Variants in RUNDC3B observed in about 807,000 individuals in gnomAD.
RUNDC3B encodes RUN domain containing 3B.
Under a neutral mutation model 58.4 loss-of-function variants are expected in RUNDC3B, and 33 were observed. That is an observed-to-expected ratio of 0.56 (90% CI 0.43 to 0.75). The LOEUF (loss-of-function observed/expected upper bound fraction) is 0.75. Among genes scored for constraint, RUNDC3B ranks in the 30% least tolerant of loss-of-function variants. The probability of loss-of-function intolerance (pLI) is 0.00; values close to 1 mark genes in which losing one functional copy is unlikely to be tolerated. For synonymous variants in RUNDC3B, 193 were observed against 195.2 expected (o/e 0.99, Z 0.10); for missense variants, 501 against 535.7 (o/e 0.94, Z 0.64).
chr7:87,686,776 GAA>G (rs555870738), intron 2 of RUNDC3B, among the ~76,000 whole-genome samples: 5 of 106,950 alleles, frequency 4.7e-5, no homozygotes, highest in Non-Finnish European at 6.1e-5. Flanking sequence ...CCCGCCTCTA[GAA>G]AAAAAAAAAA....
intron 8 of RUNDC3B, among the ~76,000 whole-genome samples, chr7:87,788,790 T>A (rs541678666): frequency 2.6e-5 from 4 of 151,954 alleles, no homozygotes; most frequent in Non-Finnish European, 5.9e-5. Flanking sequence ...TAGTTACATA[T>A]GTATACATGT....
At chr7:87,656,726 A>G (rs1055826400) in intron 2 of RUNDC3B, among the ~76,000 whole-genome samples, 2 of 152,154 alleles carry the variant, frequency 1.3e-5, no homozygotes, top group Non-Finnish European at 2.9e-5. Context: ...AGGAAAATCA[A>G]TTGATTTGTT....
At chr7:87,648,692 G>A (rs1417848182) in intron 1 of RUNDC3B, among the ~76,000 whole-genome samples, 14 of 151,970 alleles carry the variant, frequency 9.2e-5, no homozygotes, top group Non-Finnish European at 2.9e-5. Flanking sequence ...AAATGTTTTA[G>A]TATTTTTTAT....
chr7:87,674,567 G>T (rs994782848), intron 2 of RUNDC3B, among the ~76,000 whole-genome samples: 45 of 152,124 alleles, frequency 3.0e-4, no homozygotes, highest in Admixed American at 2.0e-3. Flanking sequence ...TCAGGGCATG[G>T]GCAAATAGTA....
In RUNDC3B at chr7:87,774,104, T is replaced by A. The variant is rs77894106; in HGVS notation, c.798+3355T>A. ...GGTCATGTGAATAGTGCAGTAAAGT[T>A]AGATATCAATACAAACAGTTTAGCA... On this transcript the variant is annotated intron_variant, in intron 7 of 10. Transcript: ENST00000394654. 7.9e-3 allele frequency among the ~76,000 whole-genome samples: 1,198 copies of A among 152,242 alleles called. 22 individuals are homozygous for A. Among genetic ancestry groups the A allele is most frequent in the African/African-American group, 0.027 (1,134 of 41,544 alleles).
intron 6 of RUNDC3B, among the ~76,000 whole-genome samples, chr7:87,745,197 T>C (rs568784021): frequency 7.9e-5 from 12 of 152,328 alleles, no homozygotes; most frequent in African/African-American, 2.4e-4. Flanking sequence ...ATCTTTTTGA[T>C]ATGTTGTTGG....
intron 10 of RUNDC3B, among the ~76,000 whole-genome samples, chr7:87,828,685 A>G (rs753932396): frequency 6.6e-5 from 10 of 152,174 alleles, no homozygotes; most frequent in Admixed American, 5.2e-4. Flanking sequence ...TGATGAACAT[A>G]TGAGTGCATA....
At chr7:87,773,168 A>C (rs1045544977) in intron 7 of RUNDC3B, among the ~76,000 whole-genome samples, 20 of 151,956 alleles carry the variant, frequency 1.3e-4, no homozygotes, top group African/African-American at 4.8e-4. Flanking sequence ...CTAAAAATAC[A>C]AAAAATTAGC....
intron 10 of RUNDC3B, among the ~76,000 whole-genome samples, chr7:87,816,659 A>G (rs1363395360): frequency 6.6e-6 from 1 of 152,214 alleles, no homozygotes; most frequent in Admixed American, 6.5e-5. Context: ...TCATTCTTGA[A>G]TCACTCATGG....
At chr7:87,827,207 G>T (rs974419662) in intron 10 of RUNDC3B, among the ~76,000 whole-genome samples, 2 of 152,160 alleles carry the variant, frequency 1.3e-5, no homozygotes. Flanking sequence ...CAAACAAGGG[G>T]CCAGGCATGG....
intron 1 of RUNDC3B, 134 bp from the exon 2 acceptor site, chr7:87,650,688 A>G: frequency 1.6e-6 from 1 of 626,004 alleles, no homozygotes. Context: ...ATTTGAATAA[A>G]TGGGGTTTTT....
intron 9 of RUNDC3B, among the ~76,000 whole-genome samples, chr7:87,814,395 C>T (rs1226483548): frequency 2.0e-5 from 3 of 152,114 alleles, no homozygotes; most frequent in Non-Finnish European, 2.9e-5. Context: ...CCACCACGCC[C>T]GGCCGGAGAA....
At chr7:87,795,723 CAAA>C (rs551631238) in intron 8 of RUNDC3B, among the ~76,000 whole-genome samples, 1 of 113,368 alleles carries the variant, frequency 8.8e-6, no homozygotes, top group African/African-American at 3.2e-5. Context: ...ACTAAAAATA[CAAA>C]AAAAAAAAAA....
intron 7 of RUNDC3B, among the ~76,000 whole-genome samples, chr7:87,774,018 C>G (rs1231025387): frequency 6.6e-6 from 1 of 151,946 alleles, no homozygotes; most frequent in Non-Finnish European, 1.5e-5. Context: ...AACAAATGTC[C>G]ACAAATACCA....
chr7:87,743,644 C>T (rs1688865887), intron 6 of RUNDC3B, among the ~76,000 whole-genome samples: 1 of 151,932 alleles, frequency 6.6e-6, no homozygotes, highest in Non-Finnish European at 1.5e-5. Flanking sequence ...GTCCGTAGCC[C>T]ACTTTTTGAT....
intron 2 of RUNDC3B, among the ~76,000 whole-genome samples, chr7:87,676,444 T>G (rs536947427): frequency 6.6e-6 from 1 of 152,136 alleles, no homozygotes; most frequent in Non-Finnish European, 1.5e-5. Flanking sequence ...CTCACACCTA[T>G]AATTCCATCA....
intron 2 of RUNDC3B, among the ~76,000 whole-genome samples, chr7:87,700,202 G>C (rs949549232): frequency 6.6e-6 from 1 of 152,036 alleles, no homozygotes; most frequent in Non-Finnish European, 1.5e-5. Context: ...CTATGATCCA[G>C]ACTCATTAAG....
intron 4 of RUNDC3B, among the ~76,000 whole-genome samples, chr7:87,710,996 T>G (rs1830024792): frequency 6.6e-6 from 1 of 152,180 alleles, no homozygotes; most frequent in African/African-American, 2.4e-5. Context: ...ATCTTTTTTC[T>G]TTTCACCTCA....
At position 87,808,082 on chromosome 7, in the gene RUNDC3B, C is replaced by A. The variant is rs186593938; in HGVS notation, c.1103+563C>A. ...CTGTTTTCCTTTAGGTAATCTTCAT[C>A]TTGAAACTTGTAAGTTGTATTATCC... On this transcript the variant is annotated intron_variant, in intron 9 of 10. Transcript: ENST00000394654. Among the ~76,000 whole-genome samples, 4 of 152,220 alleles carry A rather than the reference C, an allele frequency of 2.6e-5. No individual in the cohort carries two copies. In the East Asian group the frequency reaches 7.7e-4, roughly 29 times the overall value.
Sources: allele counts gnomAD v4.1 joint callset (sites outside exome capture counted in the v4.1 genomes callset), GRCh38; gene constraint gnomAD v4.1.1; transcripts MANE v1.5; gene names NCBI Gene and HGNC (gene_info 2026-07-23, HGNC 2026-07-21).